Variants in DLG2 observed in about 807,000 individuals in gnomAD.
DLG2 encodes disks large homolog 2.
DLG2 carries 45 observed loss-of-function variants against 132.5 expected under a neutral mutation model. That is an observed-to-expected ratio of 0.34 (90% confidence interval 0.27 to 0.44). DLG2 has a LOEUF of 0.44. DLG2 is among the 20% of genes least tolerant of loss of function. The pLI is 1.00. For missense variants in DLG2, 1,045 were observed against 1,196.9 expected, an observed-to-expected ratio of 0.87 and a Z score of 1.87; for synonymous variants, 424 against 419.6, an observed-to-expected ratio of 1.01 and a Z score of -0.13.
At chr11:83,955,794 T>C (rs902647211) in intron 14 of DLG2, among the ~76,000 whole-genome samples, 2 of 152,194 alleles carry the variant, frequency 1.3e-5, no homozygotes, top group Non-Finnish European at 2.9e-5. Context: ...TCTTCCAGCC[T>C]ACATCTTTCT....
intron 7 of DLG2, among the ~76,000 whole-genome samples, chr11:84,252,140 CTTTTTTTTTTT>C (rs1176873990): frequency 1.2e-4 from 8 of 65,338 alleles, no homozygotes; most frequent in Non-Finnish European, 2.2e-4. Context: ...TTCTTTCTTT[CTTTTTTTTTTT>C]TTTTTTTTTT....
intron 19 of DLG2, among the ~76,000 whole-genome samples, chr11:83,630,264 C>T (rs1011968860): frequency 1.3e-5 from 2 of 152,120 alleles, no homozygotes; most frequent in Admixed American, 1.3e-4. Context: ...GCAGCTTCTG[C>T]AAGACCCCAG....
chr11:85,123,005 T>G (rs1450244888), intron 5 of DLG2, among the ~76,000 whole-genome samples: 1 of 120,020 alleles, frequency 8.3e-6, no homozygotes, highest in African/African-American at 3.1e-5. Context: ...TGAGACAGAG[T>G]CTCGCTCTGT....
chr11:85,249,676 A>C (rs992438654), intron 4 of DLG2, among the ~76,000 whole-genome samples: 1 of 152,126 alleles, frequency 6.6e-6, no homozygotes, highest in Non-Finnish European at 1.5e-5. Flanking sequence ...AAGGTCACTT[A>C]TCTGTCAAAT....
At chr11:83,491,969 T>C (rs1038753547) in intron 21 of DLG2, among the ~76,000 whole-genome samples, 1 of 152,066 alleles carries the variant, frequency 6.6e-6, no homozygotes, top group African/African-American at 2.4e-5. Context: ...CAGCCCACTA[T>C]GTGTTTCTGT....
chr11:84,145,686 T>C (rs193088786), intron 9 of DLG2, among the ~76,000 whole-genome samples: 33 of 152,258 alleles, frequency 2.2e-4, no homozygotes, highest in East Asian at 1.9e-3. Context: ...AGACTTGGAC[T>C]AATGAACTGG....
chr11:84,046,880 G>C (rs1444392788), intron 11 of DLG2, among the ~76,000 whole-genome samples: 1 of 151,554 alleles, frequency 6.6e-6, no homozygotes, highest in African/African-American at 2.4e-5. Flanking sequence ...ATCTACAATT[G>C]AGTTATGTTC....
chr11:83,514,316 T>A (rs2095195821), intron 21 of DLG2, among the ~76,000 whole-genome samples: 1 of 152,138 alleles, frequency 6.6e-6, no homozygotes, highest in Admixed American at 6.5e-5. Flanking sequence ...TCACTCATGA[T>A]TTGGCTCTCT....
chr11:85,005,383 T>G (rs548941646), intron 6 of DLG2, among the ~76,000 whole-genome samples: 21 of 152,352 alleles, frequency 1.4e-4, no homozygotes, highest in Admixed American at 1.2e-3. Flanking sequence ...TCCATTTGTT[T>G]GTGTCCTCTC....
At chr11:85,331,782 C>T (rs1160913171) in intron 3 of DLG2, among the ~76,000 whole-genome samples, 1 of 152,046 alleles carries the variant, frequency 6.6e-6, no homozygotes, top group African/African-American at 2.4e-5. Flanking sequence ...ATACCAGTTG[C>T]TGCATTTGAC....
intron 6 of DLG2, among the ~76,000 whole-genome samples, chr11:84,770,913 T>C (rs1297524882): frequency 1.3e-5 from 2 of 151,764 alleles, no homozygotes; most frequent in African/African-American, 2.4e-5. Context: ...TGGCCTCCCA[T>C]AGTGCTGGGA....
intron 3 of DLG2, among the ~76,000 whole-genome samples, chr11:85,550,174 C>G (rs956945779): frequency 6.6e-6 from 1 of 152,196 alleles, no homozygotes; most frequent in Non-Finnish European, 1.5e-5. Flanking sequence ...GACAAGAGCT[C>G]AGGAGCCACA....
intron 6 of DLG2, among the ~76,000 whole-genome samples, chr11:84,949,452 T>A (rs933189805): frequency 6.7e-6 from 1 of 149,904 alleles, no homozygotes; most frequent in Non-Finnish European, 1.5e-5. Context: ...CTAATAAGCC[T>A]GGGAGCGCTA....
At chr11:83,478,278 T>C (rs1416224415) in intron 22 of DLG2, among the ~76,000 whole-genome samples, 2 of 152,104 alleles carry the variant, frequency 1.3e-5, no homozygotes, top group African/African-American at 4.8e-5. Flanking sequence ...CTTACTTTTG[T>C]TCATTTGTAA....
At chr11:85,388,483 A>G (rs1312860229) in intron 3 of DLG2, among the ~76,000 whole-genome samples, 3 of 152,116 alleles carry the variant, frequency 2.0e-5, no homozygotes, top group Admixed American at 6.6e-5. Context: ...TGTCCTCCCT[A>G]TATAATCACA....
intron 3 of DLG2, among the ~76,000 whole-genome samples, chr11:85,433,840 T>C (rs1043268027): frequency 7.2e-5 from 11 of 152,154 alleles, no homozygotes; most frequent in Non-Finnish European, 1.3e-4. Context: ...TACAGAAATC[T>C]CCACCCCAAA....
chr11:84,711,720 C>T (rs1242646392), intron 6 of DLG2, among the ~76,000 whole-genome samples: 3 of 152,004 alleles, frequency 2.0e-5, no homozygotes, highest in African/African-American at 7.2e-5. Flanking sequence ...AGGTCTTCAA[C>T]TGGTTGGATG....
At chr11:85,143,004 C>T (rs948664467) in intron 5 of DLG2, among the ~76,000 whole-genome samples, 10 of 151,606 alleles carry the variant, frequency 6.6e-5, no homozygotes, top group African/African-American at 2.4e-4. Context: ...AGATATTTGC[C>T]TATAGTTTTC....
chr11:84,865,904 G>A (rs946179447), intron 6 of DLG2, among the ~76,000 whole-genome samples: 2 of 152,152 alleles, frequency 1.3e-5, no homozygotes, highest in Non-Finnish European at 2.9e-5. Context: ...AAAATCTTCA[G>A]CCTCACAAGG....
Sources: gnomAD v4.1 joint callset for allele counts (sites outside exome capture counted in the v4.1 genomes callset) on GRCh38, gnomAD v4.1.1 for gene constraint, MANE v1.5 for transcripts, NCBI Gene and HGNC (gene_info 2026-07-23, HGNC 2026-07-21) for gene names.